STRN3: variants seen among roughly 807,000 people sequenced by gnomAD.
STRN3 encodes striatin-3.
In STRN3, 29 loss-of-function variants were observed where a neutral mutation model predicts 95.6. The ratio of observed to expected loss-of-function variants is 0.30; its 90% confidence interval spans 0.23 to 0.41. The LOEUF is 0.41. Among genes scored for constraint, STRN3 ranks in the 10% least tolerant of loss-of-function variants. STRN3 has a pLI of 1.00. For synonymous variants in STRN3, 331 were observed against 357.6 expected (o/e 0.93, Z 0.84); for missense variants, 890 against 972.1 (o/e 0.92, Z 1.12).
At chr14:30,981,864 GTAGATGGATCAC>G (rs2139229126) in intron 1 of STRN3, among the ~76,000 whole-genome samples, 1 of 152,188 alleles carries the variant, frequency 6.6e-6, no homozygotes, top group African/African-American at 2.4e-5. Context: ...GGAGGCCAAG[GTAGATGGATCAC>G]TTGCAGTCAG....
At chr14:30,914,565 C>T (rs1169214680) in intron 9 of STRN3, among the ~76,000 whole-genome samples, 1 of 152,180 alleles carries the variant, frequency 6.6e-6, no homozygotes, top group East Asian at 1.9e-4. Flanking sequence ...GTTGGCCAGG[C>T]TGGTCTTGAC....
At chr14:30,903,096 T>C (rs990716917) in intron 15 of STRN3, among the ~76,000 whole-genome samples, 11 of 148,148 alleles carry the variant, frequency 7.4e-5, no homozygotes, top group Admixed American at 7.4e-4. Context: ...AAAGATGAGA[T>C]TTTTTTCTTT....
In STRN3 at chr14:30,991,764, C is replaced by T. The variant is rs551348108; in HGVS notation, c.282+34140G>A. On this transcript the variant is annotated intron_variant, in intron 1 of 17. Transcript: ENST00000357479. ...AGGAGGAAGAGACGGAACATAAAAC[C>T]GAAAGGTTAGAAGAAGCCATATTAT... Among the ~76,000 whole-genome samples the T allele has an allele frequency of 9.9e-5, 15 of 151,550 alleles. 1 individual carries two copies. The South Asian group carries it at 2.5e-3, about 25-fold the overall frequency.
At chr14:30,985,632 A>G (rs7142286) in intron 1 of STRN3, among the ~76,000 whole-genome samples, 4 of 152,104 alleles carry the variant, frequency 2.6e-5, no homozygotes, top group Non-Finnish European at 4.4e-5. Flanking sequence ...TTGGTAGTCT[A>G]AACAGTTTCA....
intron 1 of STRN3, among the ~76,000 whole-genome samples, chr14:30,963,930 A>G (rs569789545): frequency 3.3e-5 from 5 of 152,352 alleles, no homozygotes; most frequent in East Asian, 1.9e-4. Flanking sequence ...GCAGGGGGGA[A>G]TTTATAGATA....
At chr14:30,931,898 T>C (rs1020613198) in intron 7 of STRN3, 1 of 152,228 alleles carries the variant, frequency 6.6e-6, no homozygotes, top group Non-Finnish European at 1.5e-5. Context: ...GATTCTCTAA[T>C]GTGAGTAAGG....
intron 7 of STRN3, among the ~76,000 whole-genome samples, chr14:30,933,178 C>T (rs1258129393): frequency 6.8e-6 from 1 of 146,738 alleles, no homozygotes; most frequent in Middle Eastern, 3.6e-3. Context: ...ATTCAGGAGA[C>T]TGAGGTGGGA....
At chr14:31,011,533 C>T (rs992059556) in intron 1 of STRN3, among the ~76,000 whole-genome samples, 1 of 152,156 alleles carries the variant, frequency 6.6e-6, no homozygotes. Flanking sequence ...ATTACAGCTA[C>T]TCAGGAGGCT....
At chr14:31,001,492 T>C (rs1463066772) in intron 1 of STRN3, among the ~76,000 whole-genome samples, 1 of 151,800 alleles carries the variant, frequency 6.6e-6, no homozygotes, top group Non-Finnish European at 1.5e-5. Flanking sequence ...GCTATGATCC[T>C]GCCACTGCTA....
At position 30,902,643 on chromosome 14, in the gene STRN3, C is replaced by A. The variant is rs1230723180; in HGVS notation, c.2030G>T (p.Gly677Val). ...LVILSSQVDS[G>V]LQSNNHINRV... ...GTTGATATGATTATTAGATTGTAAA[C>A]CTGAAAAATAAAGGAAGACAATAAG... The change falls in exon 16 of 18, where the codon GGT (glycine) becomes GTT (valine). Residue 677 changes from glycine (G) to valine (V), a missense_variant and splice_region_variant. Around this residue, in one of 3 missense-constraint regions of STRN3, gnomAD observed 357 missense variants for 422.8 expected, o/e 0.84. Transcript: ENST00000357479. 1.3e-6 allele frequency: 2 copies of A among 1,561,222 alleles called. No homozygotes were observed. The highest frequency in any genetic ancestry group is 1.7e-6 in the Non-Finnish European group (2 of 1,149,742).
chr14:30,945,475 T>C (rs1342976612), intron 5 of STRN3, among the ~76,000 whole-genome samples: 2 of 151,994 alleles, frequency 1.3e-5, no homozygotes, highest in African/African-American at 4.8e-5. Flanking sequence ...CATGGTGTTG[T>C]GAACCTGTGG....
chr14:31,013,917 ATTT>A (rs1883112913), intron 1 of STRN3, among the ~76,000 whole-genome samples: 5 of 99,540 alleles, frequency 5.0e-5, no homozygotes, highest in East Asian at 2.2e-4. Context: ...TATTATTATT[ATTT>A]GAGACAGAGT....
At chr14:31,003,911 G>A (rs1041209684) in intron 1 of STRN3, among the ~76,000 whole-genome samples, 1 of 151,500 alleles carries the variant, frequency 6.6e-6, no homozygotes, top group African/African-American at 2.4e-5. Context: ...CACTTTGGGA[G>A]GCCGACAGAG....
At chr14:30,958,350 G>C (rs1341780145) in intron 1 of STRN3, among the ~76,000 whole-genome samples, 2 of 152,084 alleles carry the variant, frequency 1.3e-5, no homozygotes, top group Non-Finnish European at 2.9e-5. Context: ...GCAGCTACAT[G>C]ACACTTATAA....
chr14:31,014,813 T>TAAA (rs527397877), intron 1 of STRN3: 309 of 367,770 alleles, frequency 8.4e-4, no homozygotes, highest in East Asian at 2.9e-3. Context: ...AAAACCACTT[T>TAAA]AAAAAAAAAA....
At chr14:30,941,080 C>T (rs970171189) in intron 5 of STRN3, among the ~76,000 whole-genome samples, 7 of 152,084 alleles carry the variant, frequency 4.6e-5, no homozygotes, top group South Asian at 2.1e-4. Flanking sequence ...GTCGGCAGTC[C>T]GCAACCCAGA....
At chr14:30,986,439 T>G (rs1881696829) in intron 1 of STRN3, among the ~76,000 whole-genome samples, 2 of 152,240 alleles carry the variant, frequency 1.3e-5, no homozygotes, top group African/African-American at 4.8e-5. Context: ...CTCAAGAATG[T>G]GATTATTACA....
intron 1 of STRN3, among the ~76,000 whole-genome samples, chr14:31,005,362 G>A (rs1273159950): frequency 1.3e-5 from 2 of 152,110 alleles, no homozygotes; most frequent in Non-Finnish European, 2.9e-5. Flanking sequence ...GGGAGGGGAG[G>A]GAAGGAGCAA....
intron 1 of STRN3, among the ~76,000 whole-genome samples, chr14:30,982,319 T>A (rs1881451885): frequency 6.6e-6 from 1 of 152,104 alleles, no homozygotes; most frequent in African/African-American, 2.4e-5. Flanking sequence ...CAATTTTTAT[T>A]TATTTTTAGA....
Sources: gnomAD v4.1 joint callset for allele counts (sites outside exome capture counted in the v4.1 genomes callset) on GRCh38, gnomAD v4.1.1 for gene constraint, gnomAD v4.1.1 regional missense constraint, MANE v1.5 for transcripts, NCBI Gene and HGNC (gene_info 2026-07-23, HGNC 2026-07-21) for gene names.